Variants in PDGFRB observed in about 807,000 individuals in gnomAD.
PDGFRB encodes platelet derived growth factor receptor beta.
A neutral mutation model predicts 120.2 loss-of-function variants in PDGFRB; 42 were observed. That is an observed-to-expected ratio of 0.35 (90% CI 0.27 to 0.45). The LOEUF (loss-of-function observed/expected upper bound fraction) is 0.45, where lower values mean the gene tolerates loss of function less well. Among genes scored for constraint, PDGFRB ranks in the 20% least tolerant of loss-of-function variants. PDGFRB has a pLI of 1.00. For synonymous variants in PDGFRB, 586 were observed against 606.8 expected (o/e 0.97, Z 0.50); for missense variants, 1,149 against 1,476.3 (o/e 0.78, Z 3.63).
At chr5:150,138,130 C>G (rs1760689230) in intron 1 of PDGFRB, among the ~76,000 whole-genome samples, 1 of 152,202 alleles carries the variant, frequency 6.6e-6, no homozygotes, top group South Asian at 2.1e-4. Flanking sequence ...CCAAGTATGC[C>G]AAGAGTCTGC....
At chr5:150,135,480 A>G (rs1760596049) in intron 3 of PDGFRB, 75 bp downstream of exon 3, 1 of 915,050 alleles carries the variant, frequency 1.1e-6, no homozygotes, top group Non-Finnish European at 1.7e-6. Context: ...AAACTAAAGC[A>G]CTCTCTGGAC....
At chr5:150,127,241 G>C (rs1450448804) in intron 10 of PDGFRB, among the ~76,000 whole-genome samples, 1 of 152,142 alleles carries the variant, frequency 6.6e-6, no homozygotes, top group African/African-American at 2.4e-5. Flanking sequence ...CAAGCCTCGA[G>C]TCTCCTCCAC....
chr5:150,124,186 A>T, intron 14 of PDGFRB, 64 bp downstream of exon 14: 1 of 1,067,366 alleles, frequency 9.4e-7, no homozygotes, highest in Non-Finnish European at 1.4e-6. Context: ...AGGGGGGGGT[A>T]GGCGGGGCCT....
chr5:150,132,606 C>T lies in PDGFRB; in HGVS notation c.1127+144G>A. ...CTCTAGGAGGGATGAACTGTCAGCT[C>T]TGGTCGCTGCAGCATCCCCAGCACC... On this transcript the variant is annotated intron_variant, in intron 7 of 22. Coordinates refer to ENST00000261799, the MANE Select transcript of PDGFRB (RefSeq NM_002609.4). This position sits in a 1 kb window ranked among gnomAD's most constrained non-coding sequence, Gnocchi z 5.0. 2 of 707,114 alleles carry T rather than the reference C, an allele frequency of 2.8e-6. No homozygotes were observed. Among genetic ancestry groups the T allele is most frequent in the Non-Finnish European group, 4.6e-6 (2 of 431,100 alleles). 43.8% of individuals were successfully genotyped at this position (707,114 alleles called of 1,614,324 possible). A position where few individuals can be genotyped will look rare whatever the true frequency, so the allele number is the denominator to read the frequency against.
rs138008832 is a variant in PDGFRB, at chr5:150,123,142, G to A, written c.2083C>T (p.Arg695Cys). The A allele has an allele frequency of 2.1e-4, 343 of 1,613,614 alleles. No individual in the cohort carries two copies. The highest frequency in any genetic ancestry group is 2.6e-4 in the Non-Finnish European group (310 of 1,179,730). ...RYGDLVDYLH[R>C]NKHTFLQHHS... ...TGCTGCAGGAAGGTGTGTTTGTTGCGGTGCAGGTAGTCCACCAGGTCTCCG... is the reference window on the plus strand; with the variant it reads ...TGCTGCAGGAAGGTGTGTTTGTTGCAGTGCAGGTAGTCCACCAGGTCTCCG... Residue 695 changes from arginine (R) to cysteine (C), a missense_variant, in exon 15 of 23, where the codon CGC becomes TGC. Physicochemically the swap from Arg to Cys is radical, Grantham distance 180. Transcript: ENST00000261799.
rs67088273 is a variant in PDGFRB at position 150,137,211 on chromosome 5, G to A, written c.-6-158C>T. 18,408 of 600,194 alleles carry A rather than the reference G, an allele frequency of 0.031. 1,428 individuals carry two copies. Among genetic ancestry groups the A allele is most frequent in the African/African-American group, 0.21 (11,166 of 53,606 alleles). The allele number at this position is 600,194 out of a possible 1,614,324, so 37.2% of individuals were successfully genotyped here. On this transcript the variant is annotated intron_variant, in intron 1 of 22. Transcript: ENST00000261799. ...AAGCCACCACGTCCCAAGCCTGAAA[G>A]GGCACTCATGACCACAGGCTGTCTC...
In PDGFRB at chr5:150,125,590, C is replaced by A. The variant is rs1216706123; in HGVS notation, c.1675-13G>T. 6.2e-7 allele frequency: 1 copy of A among 1,613,480 alleles called. No individual in the cohort carries two copies. Among genetic ancestry groups the A allele is most frequent in the African/African-American group, 1.3e-5 (1 of 75,040 alleles). On this transcript the variant is annotated splice_polypyrimidine_tract_variant and intron_variant, in intron 11 of 22. Coordinates refer to ENST00000261799, the MANE Select transcript of PDGFRB (RefSeq NM_002609.4). ...CGTAACGTGGCTTCTGGAGGACCAA[C>A]CCCAGGAATTAGTTATCAGAGGGAG...
Position 150,134,791 on chromosome 5 carries a change from C to T in PDGFRB, c.590G>A (p.Arg197Lys), listed in dbSNP as rs116642123. The T allele has an allele frequency of 5.6e-4, 897 of 1,614,128 alleles. 11 individuals carry two copies. The African/African-American group carries it at 0.011, about 19-fold the overall frequency. The stretch of plus-strand genomic sequence containing the variant: ...ATAGTAGGCATCAGAATCCACCTCC[C>T]TGTCCCCAATGGTGGTTTTGCAGAT... ...SYICKTTIGD[R>K]EVDSDAYYVY... Residue 197 changes from arginine to lysine, a missense_variant, in exon 4 of 23, where the codon AGG (arginine) becomes AAG (lysine). Arg to Lys is a conservative substitution (Grantham distance 26). This residue lies in a region of PDGFRB where 879 missense variants were observed against 1,108.6 expected (regional missense o/e 0.79). Transcript: ENST00000261799.
chr5:150,130,758 G>A, intron 8 of PDGFRB, 96 bp from the exon 9 acceptor site: 1 of 1,062,418 alleles, frequency 9.4e-7, no homozygotes, highest in Non-Finnish European at 1.4e-6. Context: ...ACTCTCTTGG[G>A]GGAGGAGGGC....
intron 10 of PDGFRB, among the ~76,000 whole-genome samples, chr5:150,128,743 A>G (rs1329838662): frequency 6.6e-6 from 1 of 152,218 alleles, no homozygotes; most frequent in East Asian, 1.9e-4. Flanking sequence ...ATAGCTGGGC[A>G]TGGGACCCCT....
intron 1 of PDGFRB, among the ~76,000 whole-genome samples, chr5:150,140,304 AG>A (rs35072368): frequency 6.6e-6 from 1 of 152,108 alleles, no homozygotes; most frequent in African/African-American, 2.4e-5. Context: ...TCCCCTCTTT[AG>A]GAGGACTGTA....
In PDGFRB at chr5:150,134,906, T is replaced by C; in HGVS notation, c.475A>G (p.Thr159Ala). 6.2e-7 allele frequency: 1 copy of C among 1,614,036 alleles called. No individual in the cohort carries two copies. Among genetic ancestry groups the C allele is most frequent in the African/African-American group, 1.3e-5 (1 of 75,064 alleles). ...CRVTDPQLVVTLHEKKGDVAL... is the reference protein window; with the variant it reads ...CRVTDPQLVVALHEKKGDVAL... ...ACGTCCCCTTTCTTCTCGTGCAGTG[T>C]CACCACCAGCTGTGGGTCTGTTACT... Residue 159 changes from threonine to alanine, a missense_variant, in exon 4 of 23, where the codon ACA becomes GCA. Thr to Ala is a moderately conservative substitution (Grantham distance 58). Around this residue, in one of 3 missense-constraint regions of PDGFRB, gnomAD observed 879 missense variants for 1,108.6 expected, o/e 0.79. Transcript: ENST00000261799.
intron 1 of PDGFRB, among the ~76,000 whole-genome samples, chr5:150,150,926 C>T (rs1454592854): frequency 6.6e-6 from 1 of 152,104 alleles, no homozygotes; most frequent in East Asian, 1.9e-4. Flanking sequence ...CCCTAGTGGG[C>T]CTTCCTCCCC....
At chr5:150,135,490 C>T in intron 3 of PDGFRB, 65 bp downstream of exon 3, 1 of 1,022,936 alleles carries the variant, frequency 9.8e-7, no homozygotes, top group African/African-American at 1.6e-5. Context: ...ACTCTCTGGA[C>T]TTCCCCTGAT....
intron 1 of PDGFRB, among the ~76,000 whole-genome samples, chr5:150,152,231 A>G (rs1580825335): frequency 6.6e-6 from 1 of 152,136 alleles, no homozygotes; most frequent in African/African-American, 2.4e-5. Flanking sequence ...AATCCAGTAA[A>G]TATTTACTAA....
intron 1 of PDGFRB, among the ~76,000 whole-genome samples, chr5:150,152,342 T>C (rs1161466367): frequency 6.6e-6 from 1 of 152,242 alleles, no homozygotes; most frequent in East Asian, 1.9e-4. Context: ...CAGAAAGTGC[T>C]AAGAACGAGT....
Position 150,132,017 on chromosome 5 carries a change from T to C in PDGFRB, c.1205A>G (p.Asp402Gly). 2 of 1,610,206 alleles carry C rather than the reference T, an allele frequency of 1.2e-6. No individual in the cohort carries two copies. Among genetic ancestry groups the C allele is most frequent in the Non-Finnish European group, 1.7e-6 (2 of 1,176,488 alleles). Reference protein sequence around the residue: ...GHYTMRAFHEDAEVQLSFQLQ... With the variant: ...GHYTMRAFHEGAEVQLSFQLQ... The stretch of plus-strand genomic sequence containing the variant: ...CTGGAAGGAGAGCTGGACCTCAGCA[T>C]CCTCATGGAAGGCCCGCATGGTGTA... Residue 402 changes from aspartate (D) to glycine (G), a missense_variant, in exon 8 of 23, where the codon GAT becomes GGT. Physicochemically the swap from Asp to Gly is moderately conservative, Grantham distance 94. Transcript: ENST00000261799. The surrounding 1 kb of genome is among the most constrained non-coding windows in gnomAD (Gnocchi z 5.0).
In PDGFRB at chr5:150,117,736, C is replaced by A. The variant is rs142762235; in HGVS notation, c.3019G>T (p.Val1007Phe). 1 of 1,613,512 alleles carries A rather than the reference C, an allele frequency of 6.2e-7. No homozygotes were observed. Among genetic ancestry groups the A allele is most frequent in the South Asian group, 1.1e-5 (1 of 91,074 alleles). ...GLRSPLDTSS[V>F]LYTAVQPNEG... is the part of the protein sequence containing the mutation. Reference sequence around the variant, plus strand: ...TTGGGCTGCACGGCAGTATAGAGGACGGAGCTGGTGTCCAGGGGAGATCGG... The same window carrying A: ...TTGGGCTGCACGGCAGTATAGAGGAAGGAGCTGGTGTCCAGGGGAGATCGG... The change falls in exon 22 of 23, where the codon GTC becomes TTC. Residue 1007 changes from valine to phenylalanine, a missense_variant. Transcript: ENST00000261799.
intron 22 of PDGFRB, among the ~76,000 whole-genome samples, chr5:150,116,898 C>T (rs1267965049): frequency 6.6e-6 from 1 of 152,192 alleles, no homozygotes; most frequent in African/African-American, 2.4e-5. Context: ...TCCCAGGTCT[C>T]AGCGGCTAGT....
Sources: allele counts gnomAD v4.1 joint callset (sites outside exome capture counted in the v4.1 genomes callset), GRCh38; gene constraint gnomAD v4.1.1; regional missense constraint gnomAD v4.1.1; non-coding constraint Gnocchi (gnomAD v3.1); transcripts MANE v1.5; gene names NCBI Gene and HGNC (gene_info 2026-07-23, HGNC 2026-07-21).